GAS2: variants seen among roughly 807,000 people sequenced by gnomAD.
GAS2 encodes the protein growth arrest-specific protein 2.
GAS2 carries 20 observed loss-of-function variants against 37.5 expected under a neutral mutation model. The ratio of observed to expected loss-of-function variants is 0.53; its 90% confidence interval spans 0.37 to 0.77. The LOEUF (loss-of-function observed/expected upper bound fraction) is 0.77, where lower values mean the gene tolerates loss of function less well. Ranked by LOEUF, GAS2 falls within the 30% of genes least tolerant of loss-of-function variation. The pLI, the probability that GAS2 is intolerant of heterozygous loss-of-function variation, is 0.00. For synonymous variants in GAS2, 144 were observed against 132.2 expected, an observed-to-expected ratio of 1.09 and a Z score of -0.61; for missense variants, 336 against 373.4, an observed-to-expected ratio of 0.90 and a Z score of 0.82.
intron 5 of GAS2, among the ~76,000 whole-genome samples, chr11:22,741,006 C>A (rs1413749841): frequency 6.6e-6 from 1 of 152,102 alleles, no homozygotes; most frequent in Admixed American, 6.6e-5. Context: ...ATATTTGATT[C>A]TAAACACTTT....
At chr11:22,773,199 C>G (rs1855077157) in intron 7 of GAS2, among the ~76,000 whole-genome samples, 1 of 152,030 alleles carries the variant, frequency 6.6e-6, no homozygotes, top group South Asian at 2.1e-4. Flanking sequence ...CCAGTATTCC[C>G]CAGAGTAACT....
chr11:22,693,289 C>T (rs1352284352), intron 3 of GAS2, among the ~76,000 whole-genome samples: 1 of 152,146 alleles, frequency 6.6e-6, no homozygotes, highest in Non-Finnish European at 1.5e-5. Context: ...ATTCCATTCT[C>T]CAAACCAAGA....
At chr11:22,720,886 G>A (rs1851916292) in intron 3 of GAS2, among the ~76,000 whole-genome samples, 1 of 152,000 alleles carries the variant, frequency 6.6e-6, no homozygotes, top group South Asian at 2.1e-4. Context: ...CTCTTCACTT[G>A]AGTAGGTGAA....
intron 5 of GAS2, among the ~76,000 whole-genome samples, chr11:22,741,150 G>C (rs1853053776): frequency 6.6e-6 from 1 of 152,142 alleles, no homozygotes. Context: ...GGGCTTCTCT[G>C]AGTTCTGAGA....
rs780736662 is a variant in GAS2 at position 22,674,833 on chromosome 11, T to C, written c.-20-17T>C. On this transcript the variant is annotated splice_polypyrimidine_tract_variant and intron_variant, in intron 1 of 7. Coordinates refer to ENST00000454584, the MANE Select transcript of GAS2 (RefSeq NM_001143830.3). ...AAGTCTGTATAAAAAGCAATTGCTC[T>C]TTTGTTTCCAAAACAGGTATTACAA... 4 of 1,541,558 alleles carry C rather than the reference T, an allele frequency of 2.6e-6. No individual in the cohort carries two copies. Among genetic ancestry groups the C allele is most frequent in the African/African-American group, 1.6e-5 (1 of 64,306 alleles).
At chr11:22,780,281 G>C (rs1290984655) in intron 7 of GAS2, among the ~76,000 whole-genome samples, 2 of 152,092 alleles carry the variant, frequency 1.3e-5, no homozygotes, top group Non-Finnish European at 1.5e-5. Context: ...TGGATCACGA[G>C]GTCAGGAGAT....
intron 7 of GAS2, among the ~76,000 whole-genome samples, chr11:22,791,973 G>A (rs778510538): frequency 3.3e-5 from 5 of 152,170 alleles, no homozygotes; most frequent in Non-Finnish European, 7.3e-5. Context: ...GGCACAGGAA[G>A]GTGTTTATCA....
intron 7 of GAS2, 73 bp downstream of exon 7, chr11:22,756,026 A>T: frequency 9.5e-7 from 1 of 1,056,616 alleles, no homozygotes; most frequent in Admixed American, 2.1e-5. Context: ...AATATGACAG[A>T]TAAGAGCAGG....
At chr11:22,742,424 A>G (rs1025200141) in intron 5 of GAS2, among the ~76,000 whole-genome samples, 2 of 152,122 alleles carry the variant, frequency 1.3e-5, no homozygotes, top group Non-Finnish European at 2.9e-5. Context: ...AAAAAGATCT[A>G]TTTGATGACT....
chr11:22,793,673 G>GTATATAAAAAGTATATAAAAA (rs1856289744), intron 7 of GAS2, among the ~76,000 whole-genome samples: 1 of 151,880 alleles, frequency 6.6e-6, no homozygotes, highest in Non-Finnish European at 1.5e-5. Context: ...TTATAGAAAG[G>GTATATAAAAAGTATATAAAAA]GGAAGATAAA....
At chr11:22,750,848 A>T (rs1258230952) in intron 6 of GAS2, among the ~76,000 whole-genome samples, 1 of 151,580 alleles carries the variant, frequency 6.6e-6, no homozygotes, top group Non-Finnish European at 1.5e-5. Flanking sequence ...TATCACCTTC[A>T]TTCATTTTTT....
chr11:22,743,393 A>G (rs1028953212), intron 5 of GAS2, among the ~76,000 whole-genome samples: 6 of 152,108 alleles, frequency 3.9e-5, no homozygotes, highest in African/African-American at 1.4e-4. Context: ...TAACTTATCA[A>G]CAATCTCAGA....
At chr11:22,755,451 A>T (rs1473753641) in intron 6 of GAS2, among the ~76,000 whole-genome samples, 2 of 152,294 alleles carry the variant, frequency 1.3e-5, no homozygotes, top group East Asian at 3.9e-4. Flanking sequence ...CTGAAGTAAC[A>T]TAAACTCTAT....
At chr11:22,714,968 A>G (rs1323696168) in intron 3 of GAS2, among the ~76,000 whole-genome samples, 41 of 152,230 alleles carry the variant, frequency 2.7e-4, no homozygotes, top group Admixed American at 2.6e-3. Flanking sequence ...AGAAACAAGA[A>G]TAAACCAAAC....
intron 1 of GAS2, among the ~76,000 whole-genome samples, chr11:22,644,300 A>G (rs1419485415): frequency 6.6e-6 from 1 of 152,236 alleles, no homozygotes; most frequent in Non-Finnish European, 1.5e-5. Context: ...CCTAGCATTC[A>G]AAATAAACTG....
chr11:22,641,074 A>T (rs1285728461), intron 1 of GAS2, among the ~76,000 whole-genome samples: 3 of 149,554 alleles, frequency 2.0e-5, no homozygotes, highest in Admixed American at 1.3e-4. Context: ...GTTCCCTTGC[A>T]CTCTGGCTTT....
chr11:22,627,995 T>C (rs943048636), intron 1 of GAS2, among the ~76,000 whole-genome samples: 3 of 152,222 alleles, frequency 2.0e-5, no homozygotes, highest in African/African-American at 7.2e-5. Context: ...GCAAGAATTA[T>C]GCAGATTAAC....
At chr11:22,781,933 A>T (rs920351830) in intron 7 of GAS2, among the ~76,000 whole-genome samples, 106 of 152,272 alleles carry the variant, frequency 7.0e-4, no homozygotes, top group African/African-American at 2.5e-3. Context: ...ACCAGATACC[A>T]TGCTTTCGGC....
At chr11:22,658,470 C>T (rs1848880112) in intron 1 of GAS2, among the ~76,000 whole-genome samples, 1 of 152,082 alleles carries the variant, frequency 6.6e-6, no homozygotes, top group African/African-American at 2.4e-5. Flanking sequence ...TTCCACTGAA[C>T]ATGAGACAAA....
Sources: allele counts gnomAD v4.1 joint callset (sites outside exome capture counted in the v4.1 genomes callset), GRCh38; gene constraint gnomAD v4.1.1; transcripts MANE v1.5; gene names NCBI Gene and HGNC (gene_info 2026-07-23, HGNC 2026-07-21).